The following ACTN1 variants were observed in gnomAD, a reference collection of about 807,000 sequenced individuals.
ACTN1 encodes alpha-actinin-1.
Under a neutral mutation model 119.6 loss-of-function variants are expected in ACTN1, and 30 were observed. The observed-to-expected ratio is 0.25, with a 90% CI of 0.19 to 0.34. ACTN1 has a LOEUF of 0.34. Among genes scored for constraint, ACTN1 ranks in the 10% least tolerant of loss-of-function variants. The pLI is 1.00. For missense variants in ACTN1, 764 were observed against 1,223.4 expected, an observed-to-expected ratio of 0.62 and a Z score of 5.60; for synonymous variants, 429 against 472.6, an observed-to-expected ratio of 0.91 and a Z score of 1.20.
intron 1 of ACTN1, among the ~76,000 whole-genome samples, chr14:68,959,292 A>T (rs931516656): frequency 3.9e-5 from 6 of 152,188 alleles, no homozygotes; most frequent in Non-Finnish European, 7.3e-5. Context: ...CCTTCCTACA[A>T]GTGTGATTTA....
At chr14:68,917,476 CA>C (rs1230433291) in intron 3 of ACTN1, among the ~76,000 whole-genome samples, 3 of 152,252 alleles carry the variant, frequency 2.0e-5, no homozygotes, top group African/African-American at 7.2e-5. Flanking sequence ...CAGCCTTCAG[CA>C]GCCCAGGATG....
At chr14:68,942,261 T>C (rs1398779861) in intron 1 of ACTN1, among the ~76,000 whole-genome samples, 2 of 152,054 alleles carry the variant, frequency 1.3e-5, no homozygotes, top group African/African-American at 4.8e-5. Context: ...ACCCCTATAG[T>C]TCCAGCTACC....
At chr14:68,888,296 GCATGCCAGCACTTCT>G (rs2032191042) in intron 11 of ACTN1, 3 of 305,672 alleles carry the variant, frequency 9.8e-6, no homozygotes, top group South Asian at 8.9e-5. Flanking sequence ...GGCTGTGCCA[GCATGCCAGCACTTCT>G]CATGCCCCTG....
intron 8 of ACTN1, among the ~76,000 whole-genome samples, chr14:68,901,816 G>A (rs2033359194): frequency 1.3e-5 from 2 of 152,224 alleles, no homozygotes; most frequent in South Asian, 4.1e-4. Flanking sequence ...AGGCCTCCCG[G>A]AGCAAAACTG....
chr14:68,903,807 T>TC (rs1239085126), intron 7 of ACTN1, among the ~76,000 whole-genome samples: 2 of 151,216 alleles, frequency 1.3e-5, no homozygotes, highest in Non-Finnish European at 2.9e-5. Context: ...ATGCTTCCCT[T>TC]CCCCCCACAG....
At chr14:68,941,249 G>A (rs977855877) in intron 1 of ACTN1, among the ~76,000 whole-genome samples, 3 of 152,224 alleles carry the variant, frequency 2.0e-5, no homozygotes, top group East Asian at 3.8e-4. Flanking sequence ...AATTCAGTGC[G>A]GTGGTTCTCA....
intron 1 of ACTN1, among the ~76,000 whole-genome samples, chr14:68,966,829 CA>C (rs1413785901): frequency 6.6e-6 from 1 of 152,216 alleles, no homozygotes. Context: ...CAAACCCACA[CA>C]AAAGGACCAG....
chr14:68,912,371 G>T, intron 3 of ACTN1, 129 bp from the exon 4 acceptor site: 1 of 739,314 alleles, frequency 1.4e-6, no homozygotes. Context: ...ACTTCTAGAG[G>T]GAAACAGGAT....
intron 1 of ACTN1, among the ~76,000 whole-genome samples, chr14:68,965,171 G>C (rs1183708574): frequency 6.6e-6 from 1 of 152,216 alleles, no homozygotes; most frequent in Admixed American, 6.5e-5. Flanking sequence ...ACTCATGGCA[G>C]ACTGTCCTTG....
At chr14:68,891,917 T>C in intron 10 of ACTN1, 136 bp downstream of exon 10, 1 of 1,168,278 alleles carries the variant, frequency 8.6e-7, no homozygotes, top group Non-Finnish European at 1.2e-6. Flanking sequence ...GGGAAGTGAC[T>C]TCTGGAGCAG....
chr14:68,950,175 T>C (rs1156943019), intron 1 of ACTN1, among the ~76,000 whole-genome samples: 1 of 151,578 alleles, frequency 6.6e-6, no homozygotes, highest in Admixed American at 6.6e-5. Flanking sequence ...GTGCCTGTAA[T>C]CCCAGCTACT....
rs1247695480 is a variant in ACTN1, at chr14:68,979,024, A to C, written c.33T>G (p.Asp11Glu). 1.2e-6 allele frequency: 2 copies of C among 1,602,518 alleles called. No homozygotes were observed. Among genetic ancestry groups the C allele is most frequent in the Admixed American group, 3.4e-5 (2 of 58,676 alleles). ...CCCAGTCCTCTTCTGGCTGCATGTA[A>C]TCGTTGGTTTGCTGAGAATCATAAT... Reference protein sequence around the residue: MDHYDSQQTNDYMQPEEDWDR... With the variant: MDHYDSQQTNEYMQPEEDWDR... Residue 11 changes from aspartate (D) to glutamate (E), a missense_variant, in exon 1 of 22, where the codon GAT (aspartate) becomes GAG (glutamate). This residue lies in a region of ACTN1 where 64 missense variants were observed against 80.0 expected (regional missense o/e 0.80). Coordinates refer to ENST00000394419, the MANE Select transcript of ACTN1 (RefSeq NM_001130004.2).
chr14:68,945,598 C>T (rs2035919861), intron 1 of ACTN1, among the ~76,000 whole-genome samples: 1 of 152,124 alleles, frequency 6.6e-6, no homozygotes, highest in Non-Finnish European at 1.5e-5. Context: ...CAGCCAGAGA[C>T]AAAGGGAGCC....
intron 1 of ACTN1, among the ~76,000 whole-genome samples, chr14:68,946,603 C>A (rs114649889): frequency 3.3e-5 from 5 of 152,180 alleles, no homozygotes; most frequent in Admixed American, 2.0e-4. Context: ...CCTAAGACCG[C>A]GCCTACGCTC....
intron 1 of ACTN1, among the ~76,000 whole-genome samples, chr14:68,937,589 A>G (rs1160127357): frequency 1.3e-5 from 2 of 152,232 alleles, no homozygotes; most frequent in African/African-American, 4.8e-5. Flanking sequence ...CTCCCCAATA[A>G]TTAAGACAGC....
intron 1 of ACTN1, among the ~76,000 whole-genome samples, chr14:68,972,735 G>A (rs2036929258): frequency 6.6e-6 from 1 of 152,246 alleles, no homozygotes. Context: ...CCGACTGCCT[G>A]GCTTCAGATC....
At chr14:68,894,880 G>GT (rs1460037366) in intron 8 of ACTN1, among the ~76,000 whole-genome samples, 1 of 152,194 alleles carries the variant, frequency 6.6e-6, no homozygotes, top group Non-Finnish European at 1.5e-5. Flanking sequence ...GAGGCTGGTT[G>GT]TAAGGAAGAG....
At chr14:68,920,948 G>A (rs879423451) in intron 3 of ACTN1, 58 bp downstream of exon 3, 8 of 1,597,662 alleles carry the variant, frequency 5.0e-6, no homozygotes, top group Non-Finnish European at 6.8e-6. Context: ...AAAAGGCCAA[G>A]AGAACCAGGG....
intron 8 of ACTN1, among the ~76,000 whole-genome samples, chr14:68,901,624 G>T (rs2033339817): frequency 6.6e-6 from 1 of 152,200 alleles, no homozygotes; most frequent in Non-Finnish European, 1.5e-5. Flanking sequence ...AGATTCTGTG[G>T]TCATGGTGAT....
Sources: allele counts gnomAD v4.1 joint callset (sites outside exome capture counted in the v4.1 genomes callset), GRCh38; gene constraint gnomAD v4.1.1; regional missense constraint gnomAD v4.1.1; transcripts MANE v1.5; gene names NCBI Gene and HGNC (gene_info 2026-07-23, HGNC 2026-07-21).